Variants in NFIA observed in about 807,000 individuals in gnomAD.
The protein encoded by NFIA is nuclear factor I A.
In NFIA, 8 loss-of-function variants were observed where a neutral mutation model predicts 62.8. The ratio of observed to expected loss-of-function variants is 0.13; its 90% CI spans 0.07 to 0.23. NFIA has a LOEUF of 0.23. Among genes scored for constraint, NFIA ranks in the 10% least tolerant of loss-of-function variants. NFIA has a pLI of 1.00. For synonymous variants in NFIA, 235 were observed against 238.1 expected (o/e 0.99, Z 0.12); for missense variants, 410 against 642.1 (o/e 0.64, Z 3.91).
At position 61,304,613 on chromosome 1, in the gene NFIA, T is replaced by C. The variant is rs1659658507; in HGVS notation, c.625+27028T>C. On this transcript the variant is annotated intron_variant, in intron 3 of 10. Transcript: ENST00000403491. ...GGGAACAGGACACTGAGATGGTCCA[T>C]GGAAGAGAAACAACAGTTGTTCTTC... 2.0e-5 allele frequency among the ~76,000 whole-genome samples: 3 copies of C among 152,118 alleles called. No individual in the cohort carries two copies. The South Asian group carries it at 6.2e-4, about 32-fold the overall frequency.
At chr1:61,342,508 G>C (rs913950396) in intron 4 of NFIA, among the ~76,000 whole-genome samples, 4 of 152,274 alleles carry the variant, frequency 2.6e-5, no homozygotes. Flanking sequence ...ATCAATTTCA[G>C]CCCCCAAAGC....
rs5774552 is a variant in NFIA, at chr1:61,311,410, C to CAA, written c.626-21095_626-21094dup. Among the ~76,000 whole-genome samples, 187 of 151,688 alleles carry CAA rather than the reference C, an allele frequency of 1.2e-3. 3 individuals are homozygous for CAA. The highest frequency in any genetic ancestry group is 5.4e-3 in the South Asian group (26 of 4,790). On this transcript the variant is annotated intron_variant, in intron 3 of 10. Transcript: ENST00000403491. ...CCGTCTCAAAAAAACAAAAAACAAA[C>CAA]AAAAAAAACATACTGTAGGGAGTTC...
At position 61,239,073 on chromosome 1, in the gene NFIA, C is replaced by T. The variant is rs76994159; in HGVS notation, c.560-38447C>T. Among the ~76,000 whole-genome samples, 4 of 152,178 alleles carry T rather than the reference C, an allele frequency of 2.6e-5. No individual in the cohort carries two copies. The East Asian group carries it at 7.7e-4, about 29-fold the overall frequency. On this transcript the variant is annotated intron_variant, in intron 2 of 10. Transcript: ENST00000403491. ...GAATATTTTAAAATAAAAGCAATCC[C>T]AATCTTGCTGTAAGTTGTTAAGACT... is the stretch of plus-strand genomic sequence containing the variant.
chr1:61,452,256 T>TTAG (rs1411385619), intron 10 of NFIA, among the ~76,000 whole-genome samples: 1 of 81,510 alleles, frequency 1.2e-5, no homozygotes, highest in Non-Finnish European at 2.7e-5. Flanking sequence ...GATGTATGAA[T>TTAG]TATTATTATT....
intron 2 of NFIA, among the ~76,000 whole-genome samples, chr1:61,165,626 C>T (rs1421018211): frequency 6.6e-6 from 1 of 152,166 alleles, no homozygotes; most frequent in Non-Finnish European, 1.5e-5. Context: ...CTTTAATGTC[C>T]TTGACAAATT....
At chr1:61,406,756 C>G (rs1665857229) in intron 9 of NFIA, 29 bp downstream of exon 9, 2 of 1,572,442 alleles carry the variant, frequency 1.3e-6, no homozygotes, top group African/African-American at 2.7e-5. Flanking sequence ...AGGCGCCGGT[C>G]ACTTCTAAAG....
At position 61,459,860 on chromosome 1, in the gene NFIA, A is replaced by C. The variant is rs1163775005; in HGVS notation, c.*4540A>C. 4 of 152,044 alleles carry C rather than the reference A, an allele frequency of 2.6e-5. No homozygotes were observed. The East Asian group carries it at 7.7e-4, about 29-fold the overall frequency. The allele number at this position is 152,044 out of a possible 1,614,324, so 9.4% of individuals were successfully genotyped here. ...GAAAGGGATTCTAAGAATGTCATTT[A>C]ATGTACTTTGCATCATGTCTCTAGA... On this transcript the variant is annotated 3_prime_UTR_variant, in exon 11 of 11. Transcript: ENST00000403491.
intron 2 of NFIA, among the ~76,000 whole-genome samples, chr1:61,251,720 G>A (rs1656052601): frequency 6.6e-6 from 1 of 152,222 alleles, no homozygotes; most frequent in South Asian, 2.1e-4. Context: ...ATGTTAAAAT[G>A]GCAGTTGATT....
intron 5 of NFIA, among the ~76,000 whole-genome samples, chr1:61,356,755 A>G (rs1421360460): frequency 6.6e-6 from 1 of 152,234 alleles, no homozygotes; most frequent in East Asian, 1.9e-4. Context: ...GTACTAAGCT[A>G]GCATGGCACA....
intron 10 of NFIA, among the ~76,000 whole-genome samples, chr1:61,452,333 A>G (rs1441120706): frequency 1.3e-5 from 2 of 152,100 alleles, no homozygotes; most frequent in Non-Finnish European, 2.9e-5. Flanking sequence ...GACTTCAAAA[A>G]AGAAAAATTC....
At chr1:61,099,621 G>A (rs993732913) in intron 2 of NFIA, among the ~76,000 whole-genome samples, 3 of 151,966 alleles carry the variant, frequency 2.0e-5, no homozygotes, top group Non-Finnish European at 4.4e-5. Context: ...CATGTTGGGC[G>A]GTGTTGGAGA....
chr1:61,379,396 C>CTTTTTCTT (rs1354740333), intron 6 of NFIA, among the ~76,000 whole-genome samples: 6 of 122,574 alleles, frequency 4.9e-5, no homozygotes, highest in African/African-American at 6.0e-5. Context: ...CTAACTTTTT[C>CTTTTTCTT]TTTTTCTTTT....
At chr1:61,416,566 C>T (rs1478982667) in intron 9 of NFIA, among the ~76,000 whole-genome samples, 1 of 152,026 alleles carries the variant, frequency 6.6e-6, no homozygotes, top group African/African-American at 2.4e-5. Flanking sequence ...TATAAATGTA[C>T]TTGTACTATC....
chr1:61,402,033 CTTTTTTTTTT>C (rs10636290), intron 7 of NFIA, among the ~76,000 whole-genome samples: 2 of 94,568 alleles, frequency 2.1e-5, no homozygotes, highest in East Asian at 7.2e-4. Context: ...ACTCATTTTT[CTTTTTTTTTT>C]TTTTTTTTTT....
chr1:61,397,170 A>G (rs1204109241), intron 7 of NFIA, among the ~76,000 whole-genome samples: 1 of 152,174 alleles, frequency 6.6e-6, no homozygotes, highest in Non-Finnish European at 1.5e-5. Flanking sequence ...TCTGAAATTT[A>G]AGTAAAGGCA....
In NFIA at chr1:61,457,411, AGAAAG is replaced by A. The variant is rs1668356935; in HGVS notation, c.*2092_*2096del. The A allele has an allele frequency of 6.6e-6, 1 of 152,214 alleles. No homozygotes were observed. Among genetic ancestry groups the A allele is most frequent in the Non-Finnish European group, 1.5e-5 (1 of 68,036 alleles). The allele number at this position is 152,214 out of a possible 1,614,324, so 9.4% of individuals were successfully genotyped here. A position where few individuals can be genotyped will look rare whatever the true frequency, so the allele number is the denominator to read the frequency against. On this transcript the variant is annotated 3_prime_UTR_variant, in exon 11 of 11. Coordinates refer to ENST00000403491, the MANE Select transcript of NFIA (RefSeq NM_001134673.4). The surrounding 1 kb of genome is among the most constrained non-coding windows in gnomAD (Gnocchi z 4.2). ...TCAGTTTCAACATCTAGAACTAAAT[AGAAAG>A]CTAGTTGTTCCGCAGATAGGAGTAG...
intron 2 of NFIA, among the ~76,000 whole-genome samples, chr1:61,110,786 G>A (rs1010168913): frequency 1.3e-5 from 2 of 152,060 alleles, no homozygotes; most frequent in Non-Finnish European, 2.9e-5. Flanking sequence ...CAGCAAGCTT[G>A]CAGTGTTGCT....
chr1:61,348,732 C>T (rs1033311099), intron 4 of NFIA, among the ~76,000 whole-genome samples: 16 of 152,172 alleles, frequency 1.1e-4, no homozygotes, highest in Non-Finnish European at 2.2e-4. Flanking sequence ...ATGTTCACCA[C>T]GAGCTAGGAG....
chr1:61,441,128 A>G (rs754900268), intron 10 of NFIA, among the ~76,000 whole-genome samples: 1 of 152,204 alleles, frequency 6.6e-6, no homozygotes, highest in Non-Finnish European at 1.5e-5. Flanking sequence ...TAATGGTTTA[A>G]TATGTGGCTT....
Sources: gnomAD v4.1 joint callset for allele counts (sites outside exome capture counted in the v4.1 genomes callset) on GRCh38, gnomAD v4.1.1 for gene constraint, Gnocchi (gnomAD v3.1) non-coding constraint, MANE v1.5 for transcripts, NCBI Gene and HGNC (gene_info 2026-07-23, HGNC 2026-07-21) for gene names.